Variants in CILP2 observed in about 807,000 individuals in gnomAD.
CILP2 encodes CILP-2.
In CILP2, 38 loss-of-function variants were observed where a neutral mutation model predicts 45.6. The observed-to-expected ratio is 0.83, with a 90% CI of 0.64 to 1.09. The LOEUF (loss-of-function observed/expected upper bound fraction) is 1.09. Among genes scored for constraint, CILP2 ranks in the 50% least tolerant of loss-of-function variants. The pLI is 0.00. For missense variants in CILP2, 1,735 were observed against 1,662.2 expected, an observed-to-expected ratio of 1.04 and a Z score of -0.76; for synonymous variants, 780 against 723.5, an observed-to-expected ratio of 1.08 and a Z score of -1.25.
chr19:19,542,814 T>C (rs1336519333), intron 5 of CILP2, 50 bp from the exon 6 acceptor site: 1 of 1,569,588 alleles, frequency 6.4e-7, no homozygotes, highest in East Asian at 2.2e-5. Flanking sequence ...ACGTTGCTCC[T>C]AGGAAGGGTG....
chr19:19,544,469 A>C lies in CILP2; in HGVS notation c.1924A>C (p.Met642Leu). The C allele has an allele frequency of 6.2e-7, 1 of 1,608,266 alleles. No individual in the cohort carries two copies. The highest frequency in any genetic ancestry group is 1.1e-5 in the South Asian group (1 of 91,022). ...GELAPLRTYG[M>L]FSVDLRAPGS... ...GCTGGCTCCACTGCGCACCTACGGC[A>C]TGTTCTCCGTGGACCTCCGTGCGCC... The change falls in exon 8 of 8, where the codon ATG becomes CTG. Residue 642 changes from methionine to leucine, a missense_variant. Physicochemically the swap from Met to Leu is conservative, Grantham distance 15. Coordinates refer to ENST00000291495, the MANE Select transcript of CILP2 (RefSeq NM_153221.2).
intron 2 of CILP2, 118 bp from the exon 3 acceptor site, chr19:19,540,086 C>G: frequency 7.5e-7 from 1 of 1,340,618 alleles, no homozygotes; most frequent in Non-Finnish European, 9.8e-7. Context: ...GTCGTGGGCG[C>G]GCTCGGCTAG....
intron 4 of CILP2, among the ~76,000 whole-genome samples, chr19:19,541,508 C>G (rs1219433902): frequency 6.6e-6 from 1 of 152,186 alleles, no homozygotes; most frequent in African/African-American, 2.4e-5. Context: ...CCCTTCCTTC[C>G]CTCCTGGGCC....
At chr19:19,538,725 C>A (rs1230054412) in intron 1 of CILP2, among the ~76,000 whole-genome samples, 1 of 152,232 alleles carries the variant, frequency 6.6e-6, no homozygotes, top group Admixed American at 6.5e-5. Flanking sequence ...ACCTAACTCC[C>A]ACACACGCAC....
chr19:19,543,196 G>T, intron 6 of CILP2, 52 bp from the exon 7 acceptor site: 1 of 1,572,040 alleles, frequency 6.4e-7, no homozygotes, highest in South Asian at 1.1e-5. Context: ...CAGACTGGGG[G>T]CAACACAGCC....
In CILP2 at chr19:19,545,969, C is replaced by G; in HGVS notation, c.3424C>G (p.Arg1142Gly). ...GAGCGAGGCGGCGCAGGCACAGGCCCGGGCCTCAGGTCCCCTCCGCACCCG... is the reference window on the plus strand; with the variant it reads ...GAGCGAGGCGGCGCAGGCACAGGCCGGGGCCTCAGGTCCCCTCCGCACCCG... ...EMSEAAQAQA[R>G]ASGPLRTRRG... The change falls in exon 8 of 8, where the codon CGG (arginine) becomes GGG (glycine). Residue 1142 changes from arginine (R) to glycine (G), a missense_variant. Coordinates refer to ENST00000291495, the MANE Select transcript of CILP2 (RefSeq NM_153221.2). 6.5e-7 allele frequency: 1 copy of G among 1,537,170 alleles called. No individual in the cohort carries two copies. Among genetic ancestry groups the G allele is most frequent in the Non-Finnish European group, 8.8e-7 (1 of 1,139,024 alleles).
rs2061239143 is a variant in CILP2 at position 19,540,395 on chromosome 19, C to T, written c.355C>T (p.Arg119Cys). ...CGAGCGCGTGCACTTGAACCCCACG[C>T]GCGGCTTCTGGTGCCTCAACCGCGA... ...VGERVHLNPT[R>C]GFWCLNREQP... is the part of the protein sequence containing the mutation. Residue 119 changes from arginine (R) to cysteine (C), a missense_variant, in exon 3 of 8, where the codon CGC becomes TGC. Arg to Cys is a radical substitution (Grantham distance 180, BLOSUM62 -3). Coordinates refer to ENST00000291495, the MANE Select transcript of CILP2 (RefSeq NM_153221.2). 2 of 1,522,846 alleles carry T rather than the reference C, an allele frequency of 1.3e-6. No homozygotes were observed. The highest frequency in any genetic ancestry group is 2.4e-5 in the South Asian group (2 of 83,126). The allele number at this position is 1,522,846 out of a possible 1,614,324, so 94.3% of individuals were successfully genotyped here.
Position 19,546,259 on chromosome 19 carries a change from ACG to A in CILP2, c.*244_*245del. On this transcript the variant is annotated 3_prime_UTR_variant, in exon 8 of 8. Transcript: ENST00000291495. ...TGACTCTGGGGCCAGCACCCAGGGG[ACG>A]ACGTTCAACCCTAGCCTGAAGGGAC... The A allele has an allele frequency of 2.7e-6, 1 of 370,172 alleles. No individual in the cohort carries two copies. Among genetic ancestry groups the A allele is most frequent in the Non-Finnish European group, 4.8e-6 (1 of 207,228 alleles). The allele number at this position is 370,172 out of a possible 1,614,324, so 22.9% of individuals were successfully genotyped here.
At position 19,540,321 on chromosome 19, in the gene CILP2, T is replaced by G. The variant is rs779885757; in HGVS notation, c.281T>G (p.Leu94Arg). The G allele has an allele frequency of 4.4e-6, 7 of 1,578,914 alleles. No individual in the cohort carries two copies. The highest frequency in any genetic ancestry group is 5.1e-6 in the Non-Finnish European group (6 of 1,167,520). Residue 94 changes from leucine (L) to arginine (R), a missense_variant, in exon 3 of 8, where the codon CTG becomes CGG. Transcript: ENST00000291495. ...YGPARVCPRP[L>R]ALEARTTDWA... ...CCAGCGCGCGTGTGCCCGCGACCGC[T>G]GGCGCTGGAAGCGCGCACCACGGAC...
intron 3 of CILP2, 120 bp from the exon 4 acceptor site, chr19:19,540,971 C>G (rs2061241366): frequency 1.0e-6 from 1 of 953,632 alleles, no homozygotes; most frequent in Admixed American, 4.3e-5. Flanking sequence ...TCTGGAGTGT[C>G]CGCCCTTGGA....
In CILP2 at chr19:19,545,120, TTCCG is replaced by T; in HGVS notation, c.2576_2579del (p.Phe859SerfsTer33). ...CGATCCCGCCTTCAAGCGTAACGGC[TTCCG>T]CATCAACCTCGCCAAGCCCAGGCCA... On this transcript the variant is annotated frameshift_variant, in exon 8 of 8. Transcript: ENST00000291495. LOFTEE classifies it low-confidence loss of function (END_TRUNC). The T allele has an allele frequency of 1.2e-6, 2 of 1,612,130 alleles. No individual in the cohort carries two copies. Among genetic ancestry groups the T allele is most frequent in the South Asian group, 2.2e-5 (2 of 91,028 alleles).
Position 19,539,681 on chromosome 19 carries a change from G to A in CILP2, c.67G>A (p.Ala23Thr), listed in dbSNP as rs1451852653. 2 of 1,577,802 alleles carry A rather than the reference G, an allele frequency of 1.3e-6. No homozygotes were observed. Among genetic ancestry groups the A allele is most frequent in the Non-Finnish European group, 8.6e-7 (1 of 1,160,400 alleles). The part of the protein sequence containing the change: ...VAAHLAGARD[A>T]TPTEEPMATA... Reference sequence around the variant, plus strand: ...TTCTCCCCACTCCTCACCCACAGACGCCACCCCCACCGAGGAGCCAATGGC... The same window carrying A: ...TTCTCCCCACTCCTCACCCACAGACACCACCCCCACCGAGGAGCCAATGGC... The change falls in exon 2 of 8, where the codon GCC becomes ACC. Residue 23 changes from alanine to threonine, a missense_variant and splice_region_variant. Coordinates refer to ENST00000291495, the MANE Select transcript of CILP2 (RefSeq NM_153221.2).
intron 4 of CILP2, among the ~76,000 whole-genome samples, chr19:19,541,674 A>T (rs2144676854): frequency 6.6e-6 from 1 of 152,304 alleles, no homozygotes; most frequent in East Asian, 1.9e-4. Context: ...TCATGCACTC[A>T]GGGTGCACAC....
At chr19:19,542,822 G>C in intron 5 of CILP2, 42 bp from the exon 6 acceptor site, 2 of 1,567,330 alleles carry the variant, frequency 1.3e-6, no homozygotes, top group Non-Finnish European at 1.8e-6. Flanking sequence ...CCTAGGAAGG[G>C]TGGGTGGGAG....
rs1390980113 is a variant in CILP2 at position 19,544,980 on chromosome 19, C to A, written c.2435C>A (p.Thr812Asn). 3 of 1,597,406 alleles carry A rather than the reference C, an allele frequency of 1.9e-6. No individual in the cohort carries two copies. Among genetic ancestry groups the A allele is most frequent in the Non-Finnish European group, 2.5e-6 (3 of 1,177,864 alleles). Residue 812 changes from threonine to asparagine, a missense_variant, in exon 8 of 8, where the codon ACC becomes AAC. Thr to Asn is a moderately conservative substitution (Grantham distance 65). Coordinates refer to ENST00000291495, the MANE Select transcript of CILP2 (RefSeq NM_153221.2). ...PDAYTALVTA[T>N]LGGEELEPAP... ...GCCTACACCGCCCTGGTCACCGCCACCCTGGGCGGCGAGGAGCTGGAGCCG... is the reference window on the plus strand; with the variant it reads ...GCCTACACCGCCCTGGTCACCGCCAACCTGGGCGGCGAGGAGCTGGAGCCG...
intron 5 of CILP2, 90 bp from the exon 6 acceptor site, chr19:19,542,774 G>A (rs1036462031): frequency 1.9e-5 from 29 of 1,564,594 alleles, no homozygotes; most frequent in East Asian, 2.2e-5. Flanking sequence ...AGAGTGAGTC[G>A]GCATTTCTGG....
At position 19,544,047 on chromosome 19, in the gene CILP2, G is replaced by A; in HGVS notation, c.1502G>A (p.Gly501Asp). The A allele has an allele frequency of 6.2e-7, 1 of 1,613,896 alleles. No homozygotes were observed. The highest frequency in any genetic ancestry group is 8.5e-7 in the Non-Finnish European group (1 of 1,179,952). ...ARILLGQEPI[G>D]FTAYQGDFTI... ...ATTCTGCTGGGCCAGGAGCCCATCG[G>A]CTTCACCGCCTACCAGGGCGACTTT... The change falls in exon 8 of 8, where the codon GGC becomes GAC. Residue 501 changes from glycine (G) to aspartate (D), a missense_variant. By Grantham distance (94) the Gly-to-Asp change is moderately conservative (BLOSUM62 -1). Transcript: ENST00000291495.
At position 19,545,245 on chromosome 19, in the gene CILP2, C is replaced by T. The variant is rs773790009; in HGVS notation, c.2700C>T (p.Ala900=). ...APVTASHFRF[A]RVEADKYEYN... is the part of the protein sequence containing the mutation. ...TGACTGCCAGCCACTTCCGCTTCGC[C>T]AGGGTGGAGGCGGACAAGTACGAGT... is the stretch of plus-strand genomic sequence containing the variant. Residue 900 remains alanine (A), a synonymous_variant, in exon 8 of 8, where the codon GCC becomes GCT. Coordinates refer to ENST00000291495, the MANE Select transcript of CILP2 (RefSeq NM_153221.2). 6.2e-7 allele frequency: 1 copy of T among 1,612,396 alleles called. No homozygotes were observed. Among genetic ancestry groups the T allele is most frequent in the Non-Finnish European group, 8.5e-7 (1 of 1,179,514 alleles).
At position 19,540,304 on chromosome 19, in the gene CILP2, C is replaced by CGTGT; in HGVS notation, c.266_269dup (p.Pro91ValfsTer113). 1 of 1,587,114 alleles carries CGTGT rather than the reference C, an allele frequency of 6.3e-7. No homozygotes were observed. The highest frequency in any genetic ancestry group is 8.5e-7 in the Non-Finnish European group (1 of 1,171,088). On this transcript the variant is annotated frameshift_variant, in exon 3 of 8. Transcript: ENST00000291495. LOFTEE classifies it high-confidence loss of function. ...TCCGCTTCTACTACGGGCCAGCGCG[C>CGTGT]GTGTGCCCGCGACCGCTGGCGCTGG...
Sources: allele counts gnomAD v4.1 joint callset (sites outside exome capture counted in the v4.1 genomes callset), GRCh38; gene constraint gnomAD v4.1.1; transcripts MANE v1.5; gene names NCBI Gene and HGNC (gene_info 2026-07-23, HGNC 2026-07-21).